SNX30: variants seen among roughly 807,000 people sequenced by gnomAD.
SNX30 encodes the protein sorting nexin-30.
Under a neutral mutation model 46.4 loss-of-function variants are expected in SNX30, and 24 were observed. The observed-to-expected ratio is 0.52, with a 90% confidence interval of 0.37 to 0.73. The LOEUF (loss-of-function observed/expected upper bound fraction) is 0.73, where lower values mean the gene tolerates loss of function less well. Among genes scored for constraint, SNX30 ranks in the 30% least tolerant of loss-of-function variants. The probability of loss-of-function intolerance (pLI) is 0.00; values close to 1 mark genes in which losing one functional copy is unlikely to be tolerated. For synonymous variants in SNX30, 189 were observed against 211.5 expected (o/e 0.89, Z 0.92); for missense variants, 533 against 555.7 (o/e 0.96, Z 0.41).
chr9:112,830,341 T>A (rs934008913), intron 3 of SNX30, among the ~76,000 whole-genome samples: 4 of 152,108 alleles, frequency 2.6e-5, no homozygotes, highest in Non-Finnish European at 4.4e-5. Flanking sequence ...AATTTTTATG[T>A]GGTTGATGCC....
intron 8 of SNX30, among the ~76,000 whole-genome samples, chr9:112,864,986 CGT>C (rs1170463578): frequency 2.8e-4 from 22 of 78,288 alleles, no homozygotes; most frequent in South Asian, 1.3e-3. Flanking sequence ...CGCACATGCG[CGT>C]GCACACACAC....
intron 1 of SNX30, among the ~76,000 whole-genome samples, chr9:112,768,399 A>C (rs944651276): frequency 1.6e-4 from 25 of 152,174 alleles, no homozygotes; most frequent in African/African-American, 6.0e-4. Context: ...TCTCAGACCT[A>C]ATTCCAGATA....
At chr9:112,851,699 G>A (rs1841030706) in intron 7 of SNX30, among the ~76,000 whole-genome samples, 1 of 152,188 alleles carries the variant, frequency 6.6e-6, no homozygotes, top group Non-Finnish European at 1.5e-5. Context: ...GAGTTTTACT[G>A]TTATTCAAAT....
chr9:112,828,312 T>G (rs1840607197), intron 3 of SNX30, among the ~76,000 whole-genome samples: 1 of 152,028 alleles, frequency 6.6e-6, no homozygotes, highest in Admixed American at 6.6e-5. Context: ...GCCATTGTGT[T>G]ACAATTGTCT....
At chr9:112,808,872 T>A (rs1588123316) in intron 2 of SNX30, among the ~76,000 whole-genome samples, 1 of 152,326 alleles carries the variant, frequency 6.6e-6, no homozygotes, top group Non-Finnish European at 1.5e-5. Context: ...TATTTTGTGC[T>A]AAATGCTTTA....
intron 7 of SNX30, among the ~76,000 whole-genome samples, chr9:112,854,946 A>T (rs1192320618): frequency 1.3e-5 from 2 of 152,182 alleles, no homozygotes; most frequent in African/African-American, 4.8e-5. Context: ...CCGTGTCCAC[A>T]CTGGCTGCAG....
intron 1 of SNX30, among the ~76,000 whole-genome samples, chr9:112,792,120 A>C (rs1840035725): frequency 6.6e-6 from 1 of 152,230 alleles, no homozygotes; most frequent in Admixed American, 6.5e-5. Context: ...TATGTCTTAG[A>C]ATATTTGAAT....
At chr9:112,879,897 T>C, downstream of SNX30, 1 of 1,373,282 alleles carries the variant, frequency 7.3e-7, no homozygotes, top group Middle Eastern at 1.8e-4. Flanking sequence ...ACAGGGTTAA[T>C]GATAATTACA....
chr9:112,866,767 A>G (rs1296396626), intron 8 of SNX30, among the ~76,000 whole-genome samples: 3 of 147,282 alleles, frequency 2.0e-5, no homozygotes, highest in Non-Finnish European at 3.0e-5. Flanking sequence ...CTGCCTCCTC[A>G]GAACTCCTCC....
intron 1 of SNX30, among the ~76,000 whole-genome samples, chr9:112,797,320 ACT>A (rs1486558234): frequency 6.6e-6 from 1 of 151,910 alleles, no homozygotes; most frequent in Non-Finnish European, 1.5e-5. Flanking sequence ...CCTACCCACT[ACT>A]CTCTTTTAAA....
chr9:112,866,534 T>A (rs1191737154), intron 8 of SNX30: 2 of 470,658 alleles, frequency 4.2e-6, no homozygotes, highest in East Asian at 1.4e-4. Context: ...GGACCTGGAA[T>A]GCCACAGACC....
At position 112,841,005 on chromosome 9, in the gene SNX30, G is replaced by A. The variant is rs371276310; in HGVS notation, c.1014+2308G>A. Among the ~76,000 whole-genome samples, 948 of 135,342 alleles carry A rather than the reference G, an allele frequency of 7.0e-3. 12 individuals are homozygous for A. Among genetic ancestry groups the A allele is most frequent in the Middle Eastern group, 0.021 (4 of 188 alleles). 88.8% of individuals were successfully genotyped at this position (135,342 alleles called of 152,430 possible). A position where few individuals can be genotyped will look rare whatever the true frequency, so the allele number is the denominator to read the frequency against. On this transcript the variant is annotated intron_variant, in intron 6 of 8. Transcript: ENST00000374232. Reference sequence around the variant, plus strand: ...TCTCGATCTCCTGACCTCGTGATCCGCCCGCCTCGGCCTCCCAAAGTGCTG... The same window carrying A: ...TCTCGATCTCCTGACCTCGTGATCCACCCGCCTCGGCCTCCCAAAGTGCTG...
downstream of SNX30, among the ~76,000 whole-genome samples, chr9:112,883,180 G>A (rs980099340): frequency 2.0e-5 from 3 of 152,158 alleles, no homozygotes; most frequent in African/African-American, 4.8e-5. Flanking sequence ...GAATGGGAGT[G>A]GGGGAGTGAG....
At chr9:112,875,479 C>T (rs771373507), downstream of SNX30, among the ~76,000 whole-genome samples, 43 of 152,178 alleles carry the variant, frequency 2.8e-4, no homozygotes, top group East Asian at 3.8e-4. Context: ...CTGAATAAGA[C>T]GTGGATCATG....
intron 4 of SNX30, among the ~76,000 whole-genome samples, chr9:112,833,509 G>C (rs1010918765): frequency 6.6e-6 from 1 of 152,150 alleles, no homozygotes; most frequent in Non-Finnish European, 1.5e-5. Flanking sequence ...TTAAAAAGAA[G>C]CAGCAGCAGC....
intron 7 of SNX30, among the ~76,000 whole-genome samples, chr9:112,857,000 T>C (rs1841141959): frequency 1.3e-5 from 2 of 152,166 alleles, no homozygotes; most frequent in Non-Finnish European, 2.9e-5. Context: ...GTGGAGCCGG[T>C]ATGGAGTCCA....
intron 2 of SNX30, among the ~76,000 whole-genome samples, chr9:112,808,112 G>A (rs1427552271): frequency 6.6e-6 from 1 of 152,126 alleles, no homozygotes; most frequent in African/African-American, 2.4e-5. Flanking sequence ...TTGTATTGAC[G>A]GATATCGTAG....
intron 1 of SNX30, among the ~76,000 whole-genome samples, chr9:112,774,808 G>A (rs1839712341): frequency 6.8e-6 from 1 of 146,088 alleles, no homozygotes; most frequent in Non-Finnish European, 1.5e-5. Flanking sequence ...TTGTTACTCA[G>A]TTCTATATAT....
intron 1 of SNX30, among the ~76,000 whole-genome samples, chr9:112,797,953 C>T (rs1325705444): frequency 2.7e-5 from 4 of 145,882 alleles, no homozygotes; most frequent in African/African-American, 1.0e-4. Context: ...CTCAAGTGAT[C>T]TGCCTGCCTT....
Sources: gnomAD v4.1 joint callset for allele counts (sites outside exome capture counted in the v4.1 genomes callset) on GRCh38, gnomAD v4.1.1 for gene constraint, MANE v1.5 for transcripts, NCBI Gene and HGNC (gene_info 2026-07-23, HGNC 2026-07-21) for gene names.